Variants in GTF2B observed in about 807,000 individuals in gnomAD.
GTF2B encodes general transcription factor IIB.
GTF2B carries 20 observed loss-of-function variants against 34.6 expected under a neutral mutation model. The observed-to-expected ratio is 0.58, with a 90% CI of 0.41 to 0.84. The LOEUF (loss-of-function observed/expected upper bound fraction) is 0.84, where lower values mean the gene tolerates loss of function less well. Among genes scored for constraint, GTF2B ranks in the 40% least tolerant of loss-of-function variants. GTF2B has a pLI of 0.00. For synonymous variants in GTF2B, 142 were observed against 132.4 expected (o/e 1.07, Z -0.50); for missense variants, 237 against 393.3 (o/e 0.60, Z 3.36).
chr1:88,877,129 G>C (rs1306069619), intron 2 of GTF2B, among the ~76,000 whole-genome samples: 1 of 152,148 alleles, frequency 6.6e-6, no homozygotes, highest in African/African-American at 2.4e-5. Context: ...ATGGAGCCTA[G>C]AATCTTTTTA....
chr1:88,890,756 G>C (rs1219732807), intron 1 of GTF2B, among the ~76,000 whole-genome samples: 1 of 152,062 alleles, frequency 6.6e-6, no homozygotes, highest in African/African-American at 2.4e-5. Context: ...GTTTCTGAGG[G>C]TACTGCATGC....
At chr1:88,877,664 G>A (rs1570732090) in intron 2 of GTF2B, among the ~76,000 whole-genome samples, 2 of 152,224 alleles carry the variant, frequency 1.3e-5, no homozygotes, top group East Asian at 1.9e-4. Context: ...GGACACAGTG[G>A]CTCATGCCTG....
chr1:88,860,082 C>T (rs576127173), intron 4 of GTF2B, 58 bp downstream of exon 4: 2 of 1,610,484 alleles, frequency 1.2e-6, no homozygotes, highest in Non-Finnish European at 1.7e-6. Flanking sequence ...TTCATGTGTT[C>T]ATTAAATTAT....
intron 3 of GTF2B, among the ~76,000 whole-genome samples, chr1:88,861,140 G>A (rs1673432309): frequency 6.6e-6 from 1 of 152,080 alleles, no homozygotes; most frequent in South Asian, 2.1e-4. Context: ...AAAAGACAAG[G>A]AAAGCAAATT....
chr1:88,891,553 G>A lies in GTF2B; in HGVS notation c.-54C>T, dbSNP rs1674213753. 1.4e-5 allele frequency: 22 copies of A among 1,541,876 alleles called. No homozygotes were observed. In the South Asian group the frequency reaches 1.7e-4, roughly 12 times the overall value. Reference sequence around the variant, plus strand: ...AGACACAACAGACACACCGAAAGCAGGAAGCGAATGTGGCGAAGAGACGCG... The same window carrying A: ...AGACACAACAGACACACCGAAAGCAAGAAGCGAATGTGGCGAAGAGACGCG... On this transcript the variant is annotated 5_prime_UTR_variant, in exon 1 of 7. Coordinates refer to ENST00000370500, the MANE Select transcript of GTF2B (RefSeq NM_001514.6).
chr1:88,867,034 T>A (rs1673575109), intron 2 of GTF2B, among the ~76,000 whole-genome samples: 1 of 152,228 alleles, frequency 6.6e-6, no homozygotes, highest in Admixed American at 6.5e-5. Context: ...TTTAAAAAGA[T>A]ACTTAAAAGT....
chr1:88,856,463 G>A (rs989484090), intron 6 of GTF2B, among the ~76,000 whole-genome samples: 1 of 151,872 alleles, frequency 6.6e-6, no homozygotes, highest in Non-Finnish European at 1.5e-5. Context: ...AACCTTCACA[G>A]AATGTTAAAG....
At chr1:88,881,066 C>T (rs935076597) in intron 2 of GTF2B, among the ~76,000 whole-genome samples, 6 of 149,512 alleles carry the variant, frequency 4.0e-5, no homozygotes, top group African/African-American at 1.5e-4. Context: ...AGACATGCCC[C>T]ACAAAGCCTA....
chr1:88,863,774 T>G (rs916879642), intron 3 of GTF2B, among the ~76,000 whole-genome samples: 2 of 152,152 alleles, frequency 1.3e-5, no homozygotes, highest in African/African-American at 4.8e-5. Flanking sequence ...TATAAAGGCT[T>G]TATAATTTTG....
intron 2 of GTF2B, among the ~76,000 whole-genome samples, chr1:88,886,711 T>C (rs1408827314): frequency 6.6e-6 from 1 of 152,188 alleles, no homozygotes; most frequent in African/African-American, 2.4e-5. Flanking sequence ...TGGGGCCTTT[T>C]CGTTTCTTCT....
intron 2 of GTF2B, among the ~76,000 whole-genome samples, chr1:88,868,621 C>T (rs902542445): frequency 3.3e-5 from 5 of 152,098 alleles, no homozygotes; most frequent in African/African-American, 9.7e-5. Flanking sequence ...AAGAAGAAAC[C>T]GAGAGTAATT....
In GTF2B at chr1:88,873,182, GTTTTTTT is replaced by G. The variant is rs869087763; in HGVS notation, c.125-9075_125-9069del. ...GAAACTTCCCACAGGATTCCATTAAGTTTTTTTTTTTTTTTTTTTTTTTTTGAGACAG... is the reference window on the plus strand; with the variant it reads ...GAAACTTCCCACAGGATTCCATTAAGTTTTTTTTTTTTTTTTTTGAGACAG... On this transcript the variant is annotated intron_variant, in intron 2 of 6. Transcript: ENST00000370500. Among the ~76,000 whole-genome samples the G allele has an allele frequency of 1.8e-3, 182 of 100,448 alleles. 1 individual carries two copies. Among genetic ancestry groups the G allele is most frequent in the Non-Finnish European group, 2.8e-3 (146 of 52,530 alleles). 65.9% of individuals were successfully genotyped at this position (100,448 alleles called of 152,430 possible). A position where few individuals can be genotyped will look rare whatever the true frequency, so the allele number is the denominator to read the frequency against.
rs1162915523 is a variant in GTF2B, at chr1:88,856,291, C to CA, written c.817+914dup. 2.0e-4 allele frequency among the ~76,000 whole-genome samples: 17 copies of CA among 86,170 alleles called. 1 individual carries two copies. Among genetic ancestry groups the CA allele is most frequent in the South Asian group, 3.5e-4 (1 of 2,846 alleles). The allele number at this position is 86,170 out of a possible 152,430, so 56.5% of individuals were successfully genotyped here. ...CAAAAACAAAAAAAAAAAAAAAAAA[C>CA]AAAAAAAAAAAAGGAAAAGAAATTC... On this transcript the variant is annotated intron_variant, in intron 6 of 6. Transcript: ENST00000370500.
At chr1:88,888,850 T>A (rs1348183616) in intron 1 of GTF2B, among the ~76,000 whole-genome samples, 2 of 152,190 alleles carry the variant, frequency 1.3e-5, no homozygotes, top group African/African-American at 4.8e-5. Context: ...AATGAATTGA[T>A]GGAGTTAGAA....
chr1:88,881,980 T>C (rs927874354), intron 2 of GTF2B, among the ~76,000 whole-genome samples: 2 of 152,020 alleles, frequency 1.3e-5, no homozygotes, highest in Non-Finnish European at 2.9e-5. Flanking sequence ...GTGAGGCTGG[T>C]GGGAAGGCTG....
chr1:88,856,273 A>AAAAAAAAAAAC (rs1673304149), intron 6 of GTF2B, among the ~76,000 whole-genome samples: 1 of 51,236 alleles, frequency 2.0e-5, no homozygotes, highest in Admixed American at 2.2e-4. Context: ...TTTCAAAAAC[A>AAAAAAAAAAAC]AAAAAAAAAA....
intron 2 of GTF2B, among the ~76,000 whole-genome samples, chr1:88,874,799 T>G (rs868729988): frequency 1.3e-4 from 20 of 152,280 alleles, no homozygotes; most frequent in African/African-American, 4.6e-4. Flanking sequence ...TTACTTGTCT[T>G]CACAGGCTCA....
At chr1:88,854,567 A>G (rs1451216344) in intron 6 of GTF2B, among the ~76,000 whole-genome samples, 3 of 152,194 alleles carry the variant, frequency 2.0e-5, no homozygotes, top group Non-Finnish European at 2.9e-5. Context: ...CAATGGCAAG[A>G]TCTCGGCTCA....
intron 2 of GTF2B, among the ~76,000 whole-genome samples, chr1:88,883,288 T>C (rs1249410166): frequency 6.6e-6 from 1 of 152,220 alleles, no homozygotes; most frequent in Non-Finnish European, 1.5e-5. Context: ...AGAAAAATCT[T>C]ACTCTTGGCC....
Sources: allele counts gnomAD v4.1 joint callset (sites outside exome capture counted in the v4.1 genomes callset), GRCh38; gene constraint gnomAD v4.1.1; transcripts MANE v1.5; gene names NCBI Gene and HGNC (gene_info 2026-07-23, HGNC 2026-07-21).